Variants in NAALADL2 observed in about 807,000 individuals in gnomAD.
NAALADL2 encodes N-acetylated alpha-linked acidic dipeptidase like 2.
Under a neutral mutation model 87.2 loss-of-function variants are expected in NAALADL2, and 76 were observed. The observed-to-expected ratio is 0.87, with a 90% CI of 0.72 to 1.05. The LOEUF is 1.05. Ranked by LOEUF, NAALADL2 falls within the 50% of genes least tolerant of loss-of-function variation. The probability of loss-of-function intolerance (pLI) is 0.00; values close to 1 mark genes in which losing one functional copy is unlikely to be tolerated. For missense variants in NAALADL2, 1,089 were observed against 945.8 expected (o/e 1.15, Z -1.99); for synonymous variants, 354 against 331.0 (o/e 1.07, Z -0.75).
At chr3:175,247,277 C>CAA (rs1748163627) in intron 3 of NAALADL2, among the ~76,000 whole-genome samples, 1 of 69,546 alleles carries the variant, frequency 1.4e-5, no homozygotes, top group African/African-American at 4.6e-5. Flanking sequence ...TACACACACA[C>CAA]ACACACACAC....
chr3:174,853,201 CAAAAAAAAA>C (rs34303846), intron 3 of NAALADL2, among the ~76,000 whole-genome samples: 3 of 45,624 alleles, frequency 6.6e-5, no homozygotes, highest in South Asian at 9.5e-4. Context: ...CCGTCTCTAC[CAAAAAAAAA>C]AAAAAAAAAA....
intron 2 of NAALADL2, among the ~76,000 whole-genome samples, chr3:175,133,958 TC>T (rs1316706123): frequency 6.6e-6 from 1 of 152,194 alleles, no homozygotes; most frequent in Non-Finnish European, 1.5e-5. Context: ...GTTGGCATCA[TC>T]TTTAAGCACA....
chr3:175,196,665 G>A (rs897559866), intron 2 of NAALADL2, among the ~76,000 whole-genome samples: 4 of 151,748 alleles, frequency 2.6e-5, no homozygotes, highest in African/African-American at 7.3e-5. Flanking sequence ...TTGCACCCAC[G>A]TAAAAGTTGC....
At chr3:175,084,903 C>T (rs1023883129) in intron 1 of NAALADL2, among the ~76,000 whole-genome samples, 3 of 152,106 alleles carry the variant, frequency 2.0e-5, no homozygotes, top group East Asian at 1.9e-4. Flanking sequence ...ACTAGCAGTA[C>T]GTGAGGACAG....
chr3:175,705,642 T>C (rs1437930418), intron 11 of NAALADL2, among the ~76,000 whole-genome samples: 1 of 152,160 alleles, frequency 6.6e-6, no homozygotes, highest in Non-Finnish European at 1.5e-5. Context: ...TTGTATACTA[T>C]ATTATTTGAA....
intron 2 of NAALADL2, among the ~76,000 whole-genome samples, chr3:174,697,168 A>G (rs1368169289): frequency 6.6e-6 from 1 of 152,190 alleles, no homozygotes; most frequent in African/African-American, 2.4e-5. Flanking sequence ...GCAATGCCAT[A>G]ATTTTACTTA....
At chr3:175,565,773 T>C (rs1301212029) in intron 9 of NAALADL2, among the ~76,000 whole-genome samples, 1 of 151,640 alleles carries the variant, frequency 6.6e-6, no homozygotes, top group African/African-American at 2.4e-5. Flanking sequence ...CTGGGCCATA[T>C]CTGTTACATG....
At chr3:175,065,219 A>G (rs1215975432) in intron 1 of NAALADL2, among the ~76,000 whole-genome samples, 1 of 152,070 alleles carries the variant, frequency 6.6e-6, no homozygotes, top group Non-Finnish European at 1.5e-5. Flanking sequence ...TGCTTGATGG[A>G]CCCACATTTA....
intron 11 of NAALADL2, among the ~76,000 whole-genome samples, chr3:175,705,706 C>T (rs1221004208): frequency 6.6e-6 from 1 of 152,048 alleles, no homozygotes; most frequent in Admixed American, 6.6e-5. Flanking sequence ...AAGATGAGGA[C>T]TCTGAAATTC....
At position 175,755,178 on chromosome 3, in the gene NAALADL2, T is replaced by G. The variant is rs149626274; in HGVS notation, c.1991-42T>G. The G allele has an allele frequency of 4.0e-4, 619 of 1,556,314 alleles. 1 individual carries two copies. The African/African-American group carries it at 7.3e-3, about 18-fold the overall frequency. ...TTGGAAAATGCTTATTTTGCTCCCTTGAGAATGTCTCTTCTGAGATGGGCT... is the reference window on the plus strand; with the variant it reads ...TTGGAAAATGCTTATTTTGCTCCCTGGAGAATGTCTCTTCTGAGATGGGCT... On this transcript the variant is annotated intron_variant, in intron 12 of 13. Coordinates refer to ENST00000454872, the MANE Select transcript of NAALADL2 (RefSeq NM_207015.3).
At chr3:175,365,542 A>G (rs1765454983) in intron 5 of NAALADL2, among the ~76,000 whole-genome samples, 2 of 147,678 alleles carry the variant, frequency 1.4e-5, no homozygotes, top group African/African-American at 4.9e-5. Flanking sequence ...ATACTTTGAT[A>G]AATTTATGTA....
chr3:174,997,059 T>TATA (rs781388661), intron 1 of NAALADL2, among the ~76,000 whole-genome samples: 1,753 of 137,940 alleles, frequency 0.013, 53 homozygotes, highest in African/African-American at 0.048. Context: ...TATATATATA[T>TATA]TTTTTTTTTT....
intron 5 of NAALADL2, 49 bp downstream of exon 5, chr3:175,324,374 G>C (rs1760419500): frequency 6.9e-7 from 1 of 1,442,956 alleles, no homozygotes; most frequent in Non-Finnish European, 9.3e-7. Flanking sequence ...GCATTACAAG[G>C]TTGCAATTTA....
At chr3:175,651,111 GA>G (rs754781934) in intron 11 of NAALADL2, among the ~76,000 whole-genome samples, 1 of 152,056 alleles carries the variant, frequency 6.6e-6, no homozygotes, top group African/African-American at 2.4e-5. Context: ...TTTAATCCCT[GA>G]AAAAATTTTT....
chr3:175,701,070 A>G (rs1738925617), intron 11 of NAALADL2, among the ~76,000 whole-genome samples: 1 of 152,140 alleles, frequency 6.6e-6, no homozygotes, highest in Admixed American at 6.6e-5. Context: ...AGAGCAAGGG[A>G]GACACTCCCC....
chr3:175,203,824 A>C (rs1740429957), intron 2 of NAALADL2, among the ~76,000 whole-genome samples: 1 of 152,230 alleles, frequency 6.6e-6, no homozygotes, highest in East Asian at 1.9e-4. Flanking sequence ...AACTTCACGC[A>C]CATAAATTAG....
intron 9 of NAALADL2, among the ~76,000 whole-genome samples, chr3:175,512,633 A>G (rs2149397935): frequency 6.6e-6 from 1 of 152,338 alleles, no homozygotes; most frequent in East Asian, 1.9e-4. Context: ...AGATAAAGCA[A>G]GAATTTATGG....
At chr3:174,469,405 G>C (rs781514716) in intron 1 of NAALADL2, among the ~76,000 whole-genome samples, 7 of 150,766 alleles carry the variant, frequency 4.6e-5, no homozygotes, top group Non-Finnish European at 7.4e-5. Context: ...CTACAGGCGT[G>C]TGCCACCACG....
intron 11 of NAALADL2, among the ~76,000 whole-genome samples, chr3:175,725,982 T>C (rs550541026): frequency 6.6e-5 from 10 of 152,194 alleles, no homozygotes; most frequent in East Asian, 1.9e-4. Flanking sequence ...CTACTAAACA[T>C]AGTAAAAATG....
Sources: gnomAD v4.1 joint callset for allele counts (sites outside exome capture counted in the v4.1 genomes callset) on GRCh38, gnomAD v4.1.1 for gene constraint, MANE v1.5 for transcripts, NCBI Gene and HGNC (gene_info 2026-07-23, HGNC 2026-07-21) for gene names.